Variants in CD2 observed in about 807,000 individuals in gnomAD.
CD2 encodes the protein T-cell surface antigen CD2.
Under a neutral mutation model 23.2 loss-of-function variants are expected in CD2, and 18 were observed. The observed-to-expected ratio is 0.77, with a 90% CI of 0.54 to 1.15. CD2 has a LOEUF of 1.15. Ranked by LOEUF, CD2 falls within the 50% of genes most tolerant of loss-of-function variation. The pLI is 0.00. For missense variants in CD2, 424 were observed against 423.1 expected, an observed-to-expected ratio of 1.00 and a Z score of -0.02; for synonymous variants, 162 against 151.9, an observed-to-expected ratio of 1.07 and a Z score of -0.49.
intron 4 of CD2, among the ~76,000 whole-genome samples, chr1:116,767,443 T>C (rs997341725): frequency 2.6e-5 from 4 of 151,766 alleles, no homozygotes; most frequent in African/African-American, 9.7e-5. Flanking sequence ...AATACAATAT[T>C]AGCCGGGCGT....
At chr1:116,761,836 C>T (rs942318559) in intron 3 of CD2, among the ~76,000 whole-genome samples, 9 of 152,104 alleles carry the variant, frequency 5.9e-5, no homozygotes, top group African/African-American at 1.9e-4. Context: ...TCCTTGACTT[C>T]GCAACTTTTT....
At chr1:116,764,402 G>T (rs1652148116) in intron 3 of CD2, 82 bp from the exon 4 acceptor site, 2 of 1,555,246 alleles carry the variant, frequency 1.3e-6, no homozygotes, top group East Asian at 4.5e-5. Flanking sequence ...TCTGCTTGAT[G>T]CAGGAGGCAG....
chr1:116,754,727 A>G lies in CD2; in HGVS notation c.158A>G (p.Asp53Gly). The G allele has an allele frequency of 6.2e-7, 1 of 1,613,382 alleles. No individual in the cohort carries two copies. Among genetic ancestry groups the G allele is most frequent in the Non-Finnish European group, 8.5e-7 (1 of 1,179,556 alleles). Residue 53 changes from aspartate to glycine, a missense_variant, in exon 2 of 5, where the codon GAT becomes GGT. Coordinates refer to ENST00000369478, the MANE Select transcript of CD2 (RefSeq NM_001767.5). ...ATTCCTAGTTTTCAAATGAGTGATG[A>G]TATTGACGATATAAAATGGGAAAAA... is the stretch of plus-strand genomic sequence containing the variant. ...LDIPSFQMSD[D>G]IDDIKWEKTS... is the part of the protein sequence containing the mutation.
At chr1:116,761,203 TCCAAGA>T (rs1409029491) in intron 3 of CD2, among the ~76,000 whole-genome samples, 1 of 152,012 alleles carries the variant, frequency 6.6e-6, no homozygotes, top group African/African-American at 2.4e-5. Flanking sequence ...ATCTCAAAAC[TCCAAGA>T]CCATAATGGA....
At position 116,760,462 on chromosome 1, in the gene CD2, T is replaced by C; in HGVS notation, c.443T>C (p.Val148Ala). 1 of 1,614,154 alleles carries C rather than the reference T, an allele frequency of 6.2e-7. No individual in the cohort carries two copies. ...TCINTTLTCE[V>A]MNGTDPELNL... ...ATCAACACAACCCTGACCTGTGAGG[T>C]AATGAATGGAACTGACCCCGAATTA... The change falls in exon 3 of 5, where the codon GTA becomes GCA. Residue 148 changes from valine to alanine, a missense_variant. Physicochemically the swap from Val to Ala is moderately conservative, Grantham distance 64. Transcript: ENST00000369478.
intron 2 of CD2, among the ~76,000 whole-genome samples, chr1:116,757,932 G>A (rs1651912786): frequency 6.6e-6 from 1 of 151,834 alleles, no homozygotes. Flanking sequence ...AACACACCTG[G>A]CTAATCTTCA....
intron 3 of CD2, among the ~76,000 whole-genome samples, chr1:116,763,572 C>T (rs1244002145): frequency 2.0e-5 from 3 of 152,350 alleles, no homozygotes; most frequent in South Asian, 2.1e-4. Context: ...CAAGACCTCA[C>T]ATTTGTGTTG....
intron 2 of CD2, among the ~76,000 whole-genome samples, chr1:116,756,044 A>G (rs1302796549): frequency 6.6e-6 from 1 of 152,098 alleles, no homozygotes; most frequent in Non-Finnish European, 1.5e-5. Flanking sequence ...CTCCAGCCCC[A>G]TCTTCAGCAC....
intron 4 of CD2, among the ~76,000 whole-genome samples, chr1:116,766,547 A>T (rs1366140397): frequency 1.3e-5 from 2 of 152,154 alleles, no homozygotes; most frequent in East Asian, 3.9e-4. Flanking sequence ...TAAATGTTGG[A>T]AGGACAAATG....
intron 2 of CD2, 33 bp downstream of exon 2, chr1:116,754,984 A>T: frequency 6.9e-7 from 1 of 1,451,274 alleles, no homozygotes; most frequent in Non-Finnish European, 9.5e-7. Context: ...GCTTTATTTC[A>T]GTGTGGGTGC....
rs1247243587 is a variant in CD2 at position 116,768,980 on chromosome 1, T to C, written c.*197T>C. On this transcript the variant is annotated 3_prime_UTR_variant, in exon 5 of 5. Transcript: ENST00000369478. ...GGAGTTTTTGGTCTCCTCAGAGAGC[T>C]CCATCACACCAGTAAGGAGAAGCAA... is the stretch of plus-strand genomic sequence containing the variant. 2.7e-5 allele frequency: 16 copies of C among 589,806 alleles called. No individual in the cohort carries two copies. Among genetic ancestry groups the C allele is most frequent in the Non-Finnish European group, 4.8e-5 (16 of 333,736 alleles). 36.5% of individuals were successfully genotyped at this position (589,806 alleles called of 1,614,324 possible).
At chr1:116,764,667 T>C in intron 4 of CD2, 61 bp downstream of exon 4, 1 of 1,221,044 alleles carries the variant, frequency 8.2e-7, no homozygotes, top group Non-Finnish European at 1.2e-6. Context: ...AAACAGCTCA[T>C]GGGGATGACA....
chr1:116,765,075 C>G (rs897068442), intron 4 of CD2, among the ~76,000 whole-genome samples: 1 of 152,178 alleles, frequency 6.6e-6, no homozygotes, highest in Non-Finnish European at 1.5e-5. Context: ...AAGCAGGGTG[C>G]CTGTGCCCCC....
chr1:116,758,909 G>A (rs1651946253), intron 2 of CD2, among the ~76,000 whole-genome samples: 2 of 152,166 alleles, frequency 1.3e-5, no homozygotes, highest in African/African-American at 4.8e-5. Context: ...GCAAAGTCAG[G>A]ATTCAAACTC....
intron 2 of CD2, among the ~76,000 whole-genome samples, chr1:116,757,095 C>T (rs577248005): frequency 6.6e-6 from 1 of 151,648 alleles, no homozygotes; most frequent in African/African-American, 2.4e-5. Context: ...CTCCCAGGTT[C>T]AAGCGATTCT....
intron 2 of CD2, among the ~76,000 whole-genome samples, chr1:116,756,009 G>A (rs1016223391): frequency 9.9e-5 from 15 of 152,136 alleles, no homozygotes; most frequent in Admixed American, 2.0e-4. Context: ...ACCAGAAGCA[G>A]GGACCCCACC....
intron 3 of CD2, among the ~76,000 whole-genome samples, chr1:116,760,955 AG>A (rs1299032395): frequency 6.6e-6 from 1 of 152,200 alleles, no homozygotes; most frequent in African/African-American, 2.4e-5. Context: ...TTTTCCAGAG[AG>A]GGAAACTGAC....
rs1438846513 is a variant in CD2, at chr1:116,768,789, A to G, written c.*6A>G. On this transcript the variant is annotated 3_prime_UTR_variant, in exon 5 of 5. Transcript: ENST00000369478. ...TGTCCCCTTCCTCTAATTAAAAAAG[A>G]TAGAAACTGTCTTTTTCAATAAAAA... 4 of 1,603,824 alleles carry G rather than the reference A, an allele frequency of 2.5e-6. No individual in the cohort carries two copies. The South Asian group carries it at 4.5e-5, about 18-fold the overall frequency.
At chr1:116,763,005 C>A (rs2101165470) in intron 3 of CD2, among the ~76,000 whole-genome samples, 1 of 152,354 alleles carries the variant, frequency 6.6e-6, no homozygotes, top group Admixed American at 6.5e-5. Context: ...TGCCCTGCCC[C>A]ACCCCGGGTC....
Sources: gnomAD v4.1 joint callset for allele counts (sites outside exome capture counted in the v4.1 genomes callset) on GRCh38, gnomAD v4.1.1 for gene constraint, MANE v1.5 for transcripts, NCBI Gene and HGNC (gene_info 2026-07-23, HGNC 2026-07-21) for gene names.